Variants in EFCAB7 observed in about 807,000 individuals in gnomAD.
The protein encoded by EFCAB7 is EF-hand calcium-binding domain-containing protein 7.
Under a neutral mutation model 77.1 loss-of-function variants are expected in EFCAB7, and 66 were observed. The ratio of observed to expected loss-of-function variants is 0.86; its 90% CI spans 0.70 to 1.05. The LOEUF is 1.05. EFCAB7 is among the 50% of genes least tolerant of loss of function. EFCAB7 has a pLI of 0.00. For synonymous variants in EFCAB7, 225 were observed against 243.3 expected (o/e 0.92, Z 0.70); for missense variants, 638 against 730.5 (o/e 0.87, Z 1.46).
chr1:63,550,259 G>C (rs1646949278), intron 7 of EFCAB7: 1 of 152,158 alleles, frequency 6.6e-6, no homozygotes, highest in African/African-American at 2.4e-5. Context: ...TAGTTTGCCT[G>C]TTTCCACATT....
intron 6 of EFCAB7, among the ~76,000 whole-genome samples, chr1:63,536,061 T>C (rs1157525755): frequency 6.6e-6 from 1 of 152,194 alleles, no homozygotes; most frequent in Non-Finnish European, 1.5e-5. Context: ...AAGTTTTGTA[T>C]GTAAGTCAAG....
intron 7 of EFCAB7, among the ~76,000 whole-genome samples, chr1:63,546,815 CTG>C (rs1288307184): frequency 1.3e-5 from 2 of 152,014 alleles, no homozygotes; most frequent in East Asian, 3.8e-4. Flanking sequence ...AACCCTTTGT[CTG>C]TGACTTAGAC....
At chr1:63,571,177 A>G (rs1222244255) in intron 13 of EFCAB7, 49 bp downstream of exon 13, 2 of 1,330,740 alleles carry the variant, frequency 1.5e-6, no homozygotes, top group Non-Finnish European at 2.1e-6. Context: ...GTCTTTGAAA[A>G]AAATTTGCTA....
chr1:63,538,114 A>G (rs1646784403), intron 6 of EFCAB7, among the ~76,000 whole-genome samples: 1 of 152,156 alleles, frequency 6.6e-6, no homozygotes, highest in Non-Finnish European at 1.5e-5. Context: ...TTGCACTTAT[A>G]TGAATTTACC....
intron 8 of EFCAB7, among the ~76,000 whole-genome samples, chr1:63,553,995 TTGTTA>T (rs1646997286): frequency 6.6e-6 from 1 of 152,064 alleles, no homozygotes; most frequent in African/African-American, 2.4e-5. Context: ...ATTATTATTG[TTGTTA>T]TTTTTAGAGA....
chr1:63,527,001 G>T (rs1646603512), intron 2 of EFCAB7, among the ~76,000 whole-genome samples: 1 of 152,354 alleles, frequency 6.6e-6, no homozygotes, highest in South Asian at 2.1e-4. Flanking sequence ...CTGACCTCAG[G>T]TGATCTGCCT....
In EFCAB7 at chr1:63,571,136, A is replaced by C; in HGVS notation, c.1815+8A>C. The C allele has an allele frequency of 6.3e-7, 1 of 1,579,794 alleles. No individual in the cohort carries two copies. The highest frequency in any genetic ancestry group is 1.7e-4 in the Middle Eastern group (1 of 5,912). The stretch of plus-strand genomic sequence containing the variant: ...GGACCCAAATCTACAATGGTAATGT[A>C]TTATTTTCTAATTAAAGCCTTTTGT... On this transcript the variant is annotated splice_region_variant and intron_variant, in intron 13 of 13. Transcript: ENST00000371088.
intron 7 of EFCAB7, chr1:63,551,218 G>A (rs1172297588): frequency 6.6e-6 from 1 of 152,216 alleles, no homozygotes; most frequent in Non-Finnish European, 1.5e-5. Context: ...TTTAGAAAGT[G>A]AGTATATAGA....
chr1:63,537,768 C>A (rs1646780403), intron 6 of EFCAB7, among the ~76,000 whole-genome samples: 1 of 152,128 alleles, frequency 6.6e-6, no homozygotes, highest in South Asian at 2.1e-4. Context: ...AAATAGCTTC[C>A]TAATAAGTAT....
chr1:63,571,220 G>T, intron 13 of EFCAB7, 92 bp downstream of exon 13: 2 of 781,454 alleles, frequency 2.6e-6, no homozygotes, highest in Admixed American at 2.5e-5. Context: ...AATATAAAAT[G>T]GAGTGGAAAA....
chr1:63,531,793 A>T, intron 2 of EFCAB7, 27 bp from the exon 3 acceptor site: 1 of 1,597,538 alleles, frequency 6.3e-7, no homozygotes. Flanking sequence ...TGTTACAATC[A>T]CAAATAATAC....
Position 63,572,607 on chromosome 1 carries a change from CTAAA to C in EFCAB7, c.*95_*98del. 1 of 1,174,630 alleles carries C rather than the reference CTAAA, an allele frequency of 8.5e-7. No homozygotes were observed. Among genetic ancestry groups the C allele is most frequent in the African/African-American group, 1.6e-5 (1 of 61,776 alleles). The allele number at this position is 1,174,630 out of a possible 1,614,324, so 72.8% of individuals were successfully genotyped here. On this transcript the variant is annotated 3_prime_UTR_variant, in exon 14 of 14. Transcript: ENST00000371088. ...ACTAAATGCTACTTAACTGATGTAC[CTAAA>C]TAATAATCTATTCAATTTATATGCA...
chr1:63,585,051 G>A, the EFCAB7 span, among the ~76,000 whole-genome samples: 57 of 152,070 alleles, frequency 3.7e-4, no homozygotes, highest in Non-Finnish European at 6.5e-4. Context: ...ATGCTTTCTC[G>A]TTTTCTGGAA....
At chr1:63,538,508 C>T (rs1294692083) in intron 6 of EFCAB7, among the ~76,000 whole-genome samples, 1 of 151,338 alleles carries the variant, frequency 6.6e-6, no homozygotes, top group East Asian at 1.9e-4. Context: ...GGCTGGAGTG[C>T]AGTGGCACCA....
chr1:63,574,655 T>C (rs927255149), downstream of EFCAB7, among the ~76,000 whole-genome samples: 1 of 152,224 alleles, frequency 6.6e-6, no homozygotes, highest in East Asian at 1.9e-4. Context: ...GCCTTTGCAG[T>C]GAATGACTCC....
At chr1:63,584,218 T>C in the EFCAB7 span, among the ~76,000 whole-genome samples, 1 of 152,168 alleles carries the variant, frequency 6.6e-6, no homozygotes, top group African/African-American at 2.4e-5. Flanking sequence ...TTGTACTGTA[T>C]AGAAACATTT....
rs1392247446 is a variant in EFCAB7, at chr1:63,531,896, T to C, written c.264T>C (p.Asn88=). ...KYWTPQTAKL[N]FDDFCIILRK... ...GGACTCCTCAAACTGCCAAACTGAATTTTGATGATTTTTGTATAATTTTAA... is the reference window on the plus strand; with the variant it reads ...GGACTCCTCAAACTGCCAAACTGAACTTTGATGATTTTTGTATAATTTTAA... Residue 88 remains asparagine (N), a synonymous_variant, in exon 3 of 14, where the codon AAT becomes AAC. Coordinates refer to ENST00000371088, the MANE Select transcript of EFCAB7 (RefSeq NM_032437.4). 6.2e-7 allele frequency: 1 copy of C among 1,613,280 alleles called. No individual in the cohort carries two copies. The highest frequency in any genetic ancestry group is 8.5e-7 in the Non-Finnish European group (1 of 1,179,504).
the EFCAB7 span, among the ~76,000 whole-genome samples, chr1:63,582,149 TAAAGA>T: frequency 2.0e-5 from 3 of 152,190 alleles, no homozygotes; most frequent in African/African-American, 7.2e-5. Flanking sequence ...CATATCAAAG[TAAAGA>T]AATGATCTCA....
At chr1:63,552,310 T>G (rs1053365312) in intron 8 of EFCAB7, among the ~76,000 whole-genome samples, 2 of 152,202 alleles carry the variant, frequency 1.3e-5, no homozygotes, top group African/African-American at 4.8e-5. Context: ...TTGTATAATA[T>G]TGTACCTTAC....
Sources: gnomAD v4.1 joint callset for allele counts (sites outside exome capture counted in the v4.1 genomes callset) on GRCh38, gnomAD v4.1.1 for gene constraint, MANE v1.5 for transcripts, NCBI Gene and HGNC (gene_info 2026-07-23, HGNC 2026-07-21) for gene names.